PTPRT: variants seen among roughly 807,000 people sequenced by gnomAD.
PTPRT encodes receptor-type tyrosine-protein phosphatase T.
PTPRT carries 56 observed loss-of-function variants against 176.8 expected under a neutral mutation model. That is an observed-to-expected ratio of 0.32 (90% CI 0.26 to 0.40). The LOEUF (loss-of-function observed/expected upper bound fraction) is 0.40, where lower values mean the gene tolerates loss of function less well. PTPRT is among the 10% of genes least tolerant of loss of function. The pLI, the probability that PTPRT is intolerant of heterozygous loss-of-function variation, is 1.00. For missense variants in PTPRT, 1,540 were observed against 1,908.2 expected, an observed-to-expected ratio of 0.81 and a Z score of 3.60; for synonymous variants, 783 against 739.0, an observed-to-expected ratio of 1.06 and a Z score of -0.96.
At position 42,075,339 on chromosome 20, in the gene PTPRT, C is replaced by T. The variant is rs928081794; in HGVS notation, c.*5540G>A. The T allele has an allele frequency of 1.7e-5, 4 of 230,350 alleles. No homozygotes were observed. Among genetic ancestry groups the T allele is most frequent in the Non-Finnish European group, 3.4e-5 (4 of 116,350 alleles). 14.3% of individuals were successfully genotyped at this position (230,350 alleles called of 1,614,324 possible). ...CACGTTTATGTTTTTTTTCTTCTAA[C>T]CTACCCTCCAGTTGGGTTGACCATT... is the stretch of plus-strand genomic sequence containing the variant. On this transcript the variant is annotated 3_prime_UTR_variant, in exon 31 of 31. Coordinates refer to ENST00000373187, the MANE Select transcript of PTPRT (RefSeq NM_007050.6).
At chr20:42,790,621 C>A (rs1178360129) in intron 3 of PTPRT, among the ~76,000 whole-genome samples, 3 of 152,186 alleles carry the variant, frequency 2.0e-5, no homozygotes, top group Admixed American at 6.5e-5. Context: ...ACTTTCCAAA[C>A]TCTGCCATAG....
chr20:43,050,012 A>G (rs956902549), intron 1 of PTPRT, among the ~76,000 whole-genome samples: 1 of 152,218 alleles, frequency 6.6e-6, no homozygotes, highest in African/African-American at 2.4e-5. Context: ...CAATCCTTCC[A>G]GTGTTTTATG....
intron 1 of PTPRT, among the ~76,000 whole-genome samples, chr20:43,024,069 G>A (rs939388623): frequency 6.6e-6 from 1 of 152,118 alleles, no homozygotes; most frequent in African/African-American, 2.4e-5. Context: ...TGAGCACAGT[G>A]AGTATGAGCA....
chr20:42,356,871 T>C (rs897540912), intron 9 of PTPRT, among the ~76,000 whole-genome samples: 2 of 152,106 alleles, frequency 1.3e-5, no homozygotes, highest in African/African-American at 4.8e-5. Flanking sequence ...AAAAGAGCCA[T>C]GGTCTTTTCT....
intron 13 of PTPRT, among the ~76,000 whole-genome samples, chr20:42,259,698 G>A (rs1057304251): frequency 2.6e-5 from 4 of 152,228 alleles, no homozygotes; most frequent in Non-Finnish European, 5.9e-5. Context: ...GGATGTGGCT[G>A]AGGTAGGGGT....
intron 1 of PTPRT, among the ~76,000 whole-genome samples, chr20:43,040,845 T>G (rs1010199673): frequency 6.6e-6 from 1 of 152,192 alleles, no homozygotes; most frequent in African/African-American, 2.4e-5. Context: ...GAGGATACAG[T>G]GGGAATTCCC....
Position 42,468,076 on chromosome 20 carries a change from C to T in PTPRT, c.1450+4190G>A, listed in dbSNP as rs1601080732. ...TTTAGTTTCTTATGAACAGCTGCTA[C>T]CCAAATGAAGCCATGGGGCTCAGCA... On this transcript the variant is annotated intron_variant, in intron 8 of 30. Coordinates refer to ENST00000373187, the MANE Select transcript of PTPRT (RefSeq NM_007050.6). Among the ~76,000 whole-genome samples, 5 of 152,338 alleles carry T rather than the reference C, an allele frequency of 3.3e-5. No homozygotes were observed. In the South Asian group the frequency reaches 1.0e-3, roughly 32 times the overall value.
rs1017002828 is a variant in PTPRT at position 42,893,004 on chromosome 20, G to C, written c.89-7072C>G. ...CCACGGTGAACCCAGGGGAGGCCTT[G>C]CAGGGGAGTAAGAGCGAAGAACTCA... On this transcript the variant is annotated intron_variant, in intron 1 of 30. Transcript: ENST00000373187. Among the ~76,000 whole-genome samples, 4 of 152,234 alleles carry C rather than the reference G, an allele frequency of 2.6e-5. No homozygotes were observed. The South Asian group carries it at 8.3e-4, about 32-fold the overall frequency.
intron 28 of PTPRT, among the ~76,000 whole-genome samples, 189 bp from the exon 29 acceptor site, chr20:42,085,034 G>T (rs775961678): frequency 1.3e-5 from 2 of 152,130 alleles, no homozygotes; most frequent in Non-Finnish European, 2.9e-5. Context: ...TGCCGTGACT[G>T]CCCTGAACCC....
chr20:42,820,097 C>T (rs931033801), intron 2 of PTPRT, among the ~76,000 whole-genome samples: 1 of 152,150 alleles, frequency 6.6e-6, no homozygotes. Flanking sequence ...TTCTCTACAC[C>T]AAAATCAACA....
intron 5 of PTPRT, among the ~76,000 whole-genome samples, chr20:42,759,229 T>C (rs184650945): frequency 1.3e-4 from 20 of 152,360 alleles, no homozygotes; most frequent in Admixed American, 9.8e-4. Context: ...ATATGAGTTA[T>C]TTATAACATC....
intron 7 of PTPRT, among the ~76,000 whole-genome samples, chr20:42,541,696 A>G (rs2072584383): frequency 6.6e-6 from 1 of 151,932 alleles, no homozygotes; most frequent in South Asian, 2.1e-4. Context: ...GAAAAGATGA[A>G]CCTATAAAAA....
intron 26 of PTPRT, 87 bp downstream of exon 26, chr20:42,102,036 AG>A: frequency 1.4e-6 from 2 of 1,477,212 alleles, no homozygotes; most frequent in South Asian, 1.3e-5. Flanking sequence ...TGGTGGGGTC[AG>A]GGCCCTGAGG....
At chr20:42,558,743 C>T (rs192337752) in intron 7 of PTPRT, among the ~76,000 whole-genome samples, 3 of 152,228 alleles carry the variant, frequency 2.0e-5, no homozygotes, top group Non-Finnish European at 4.4e-5. Context: ...ACTCTTCTGA[C>T]GAATATTGCA....
At position 42,313,827 on chromosome 20, in the gene PTPRT, T is replaced by C. The variant is rs2057673428; in HGVS notation, c.2139+1896A>G. On this transcript the variant is annotated intron_variant, in intron 12 of 30. Transcript: ENST00000373187. ...GACAGGTGGAAGGCAGTCTGGCAGC[T>C]TCTCTTTGTAGTCTTATGCTCTCTG... is the stretch of plus-strand genomic sequence containing the variant. Among the ~76,000 whole-genome samples, 4 of 152,194 alleles carry C rather than the reference T, an allele frequency of 2.6e-5. No individual in the cohort carries two copies. The South Asian group carries it at 8.3e-4, about 32-fold the overall frequency.
intron 2 of PTPRT, among the ~76,000 whole-genome samples, chr20:42,845,741 G>C (rs2078359588): frequency 6.6e-6 from 1 of 152,158 alleles, no homozygotes; most frequent in South Asian, 2.1e-4. Context: ...GACATGTATG[G>C]AGCACTTGGT....
the PTPRT span, among the ~76,000 whole-genome samples, chr20:42,060,633 A>G: frequency 1.3e-5 from 2 of 152,258 alleles, no homozygotes; most frequent in African/African-American, 4.8e-5. Flanking sequence ...GCTGCCATCC[A>G]TGTAAGACAT....
rs111379855 is a variant in PTPRT at position 42,237,325 on chromosome 20, G to A, written c.2313-1067C>T. ...AAGAGCACTGTACTGAGAGAGAGGAGTTCCAACCTTCAGTCTGAACAGACT... is the reference window on the plus strand; with the variant it reads ...AAGAGCACTGTACTGAGAGAGAGGAATTCCAACCTTCAGTCTGAACAGACT... On this transcript the variant is annotated intron_variant, in intron 14 of 30. Coordinates refer to ENST00000373187, the MANE Select transcript of PTPRT (RefSeq NM_007050.6). Among the ~76,000 whole-genome samples, 1,236 of 152,234 alleles carry A rather than the reference G, an allele frequency of 8.1e-3. 12 individuals carry two copies. The highest frequency in any genetic ancestry group is 1.0e-2 in the Non-Finnish European group (678 of 68,012).
At chr20:42,339,757 T>A (rs2058086962) in intron 11 of PTPRT, among the ~76,000 whole-genome samples, 1 of 152,222 alleles carries the variant, frequency 6.6e-6, no homozygotes, top group Non-Finnish European at 1.5e-5. Flanking sequence ...TCATTAAAGT[T>A]TGGAAACCTT....
Sources: allele counts gnomAD v4.1 joint callset (sites outside exome capture counted in the v4.1 genomes callset), GRCh38; gene constraint gnomAD v4.1.1; transcripts MANE v1.5; gene names NCBI Gene and HGNC (gene_info 2026-07-23, HGNC 2026-07-21).